The following MGAT5B variants were observed in gnomAD, a reference collection of about 807,000 sequenced individuals.
MGAT5B encodes the protein alpha-1,6-mannosylglycoprotein 6-beta-N-acetylglucosaminyltransferase B.
Under a neutral mutation model 95.1 loss-of-function variants are expected in MGAT5B, and 54 were observed. That is an observed-to-expected ratio of 0.57 (90% CI 0.46 to 0.71). The LOEUF is 0.71. Among genes scored for constraint, MGAT5B ranks in the 30% least tolerant of loss-of-function variants. MGAT5B has a pLI of 0.00. For synonymous variants in MGAT5B, 464 were observed against 451.0 expected (o/e 1.03, Z -0.36); for missense variants, 935 against 1,088.6 (o/e 0.86, Z 1.99).
chr17:76,883,690 A>C (rs1281404933), intron 3 of MGAT5B, among the ~76,000 whole-genome samples: 1 of 152,224 alleles, frequency 6.6e-6, no homozygotes, highest in Non-Finnish European at 1.5e-5. Context: ...TTGATTTGCT[A>C]AATGTATTCT....
chr17:76,869,850 G>T lies in MGAT5B; in HGVS notation c.68+753G>T, dbSNP rs777776550. Among the ~76,000 whole-genome samples the T allele has an allele frequency of 6.4e-4, 98 of 152,196 alleles. No homozygotes were observed. The highest frequency in any genetic ancestry group is 2.3e-3 in the African/African-American group (95 of 41,560). ...GCCAGGCAGGGCTGGGGCCGCGCGG[G>T]ACTCACTGGACCCAGCCAGGGGCCC... On this transcript the variant is annotated intron_variant, in intron 1 of 17. Transcript: ENST00000569840. The surrounding 1 kb of genome is among the most constrained non-coding windows in gnomAD (Gnocchi z 7.0).
intron 3 of MGAT5B, among the ~76,000 whole-genome samples, chr17:76,890,517 T>C (rs1326314715): frequency 2.0e-5 from 3 of 152,222 alleles, no homozygotes; most frequent in Non-Finnish European, 4.4e-5. Flanking sequence ...TTTCTTTCTT[T>C]TTTTGAGACA....
intron 3 of MGAT5B, among the ~76,000 whole-genome samples, chr17:76,898,616 A>C (rs1268496472): frequency 2.6e-5 from 4 of 151,482 alleles, no homozygotes; most frequent in Non-Finnish European, 5.9e-5. Context: ...AATCTTTTTT[A>C]TTTGGCTTAT....
rs970229983 is a variant in MGAT5B at position 76,870,505 on chromosome 17, C to G, written c.68+1408C>G. ...CCGACCCCATCCCTGTCCCGCCCTC[C>G]GGGCCGCTGGGTGTTTCCTGGCGCG... On this transcript the variant is annotated intron_variant, in intron 1 of 17. Transcript: ENST00000569840. The surrounding 1 kb of genome is among the most constrained non-coding windows in gnomAD (Gnocchi z 5.0). Among the ~76,000 whole-genome samples, 5 of 152,196 alleles carry G rather than the reference C, an allele frequency of 3.3e-5. No homozygotes were observed.
At chr17:76,937,522 GATGCATGGATGGTGGGTGC>G (rs1969716369) in intron 12 of MGAT5B, among the ~76,000 whole-genome samples, 1 of 151,980 alleles carries the variant, frequency 6.6e-6, no homozygotes, top group African/African-American at 2.4e-5. Flanking sequence ...TGGATGGATG[GATGCATGGATGGTGGGTGC>G]ATGGATGGAT....
chr17:76,872,691 G>GC, intron 1 of MGAT5B, 160 bp from the exon 2 acceptor site: 1 of 1,534,600 alleles, frequency 6.5e-7, no homozygotes, highest in Middle Eastern at 1.7e-4. Flanking sequence ...TAGTGGGGGG[G>GC]CCCTCCTGGG....
intron 8 of MGAT5B, among the ~76,000 whole-genome samples, chr17:76,920,580 AT>A (rs1969095183): frequency 6.6e-6 from 1 of 152,200 alleles, no homozygotes; most frequent in Non-Finnish European, 1.5e-5. Flanking sequence ...GATAAGAGCA[AT>A]GAGGCCGCTG....
chr17:76,889,198 C>T lies in MGAT5B; in HGVS notation c.329+6900C>T, dbSNP rs629151. On this transcript the variant is annotated intron_variant, in intron 3 of 17. Coordinates refer to ENST00000569840, the MANE Select transcript of MGAT5B (RefSeq NM_001199172.2). The surrounding 1 kb of genome is among the most constrained non-coding windows in gnomAD (Gnocchi z 4.4). ...AGGGCTGGCGCAGGGGCAGTGTCAG[C>T]CCTGGGAGCTCGCCGTGTGACCTTG... 0.5 allele frequency among the ~76,000 whole-genome samples: 75,372 copies of T among 152,046 alleles called. 23,558 individuals are homozygous for T. The highest frequency in any genetic ancestry group is 0.86 in the African/African-American group (35,687 of 41,492).
rs1036591705 is a variant in MGAT5B, at chr17:76,906,482, A to G, written c.1025+295A>G. Among the ~76,000 whole-genome samples, 1 of 152,154 alleles carries G rather than the reference A, an allele frequency of 6.6e-6. No homozygotes were observed. The highest frequency in any genetic ancestry group is 1.5e-5 in the Non-Finnish European group (1 of 68,010). On this transcript the variant is annotated intron_variant, in intron 8 of 17. Coordinates refer to ENST00000569840, the MANE Select transcript of MGAT5B (RefSeq NM_001199172.2). This position sits in a 1 kb window ranked among gnomAD's most constrained non-coding sequence, Gnocchi z 4.6. ...GGGCTGACACGTGTTGGCTTGTGGA[A>G]TTGAGCCACGTCTGCACGTGGGGTC...
chr17:76,882,147 A>C lies in MGAT5B; in HGVS notation c.182-4A>C. ...CCCTAACCATACCCACACTCTGCCC[A>C]CAGTGATGGGGGGCCCCGAGTCCCG... On this transcript the variant is annotated splice_polypyrimidine_tract_variant and splice_region_variant and intron_variant, in intron 2 of 17. Transcript: ENST00000569840. The C allele has an allele frequency of 6.2e-7, 1 of 1,607,560 alleles. No homozygotes were observed. Among genetic ancestry groups the C allele is most frequent in the African/African-American group, 1.3e-5 (1 of 75,038 alleles).
chr17:76,938,106 C>G lies in MGAT5B; in HGVS notation c.1547C>G (p.Pro516Arg), dbSNP rs566357260. The change falls in exon 13 of 18, where the codon CCG becomes CGG. Residue 516 changes from proline (P) to arginine (R), a missense_variant. Pro to Arg is a moderately radical substitution (Grantham distance 103). Around this residue, in one of 4 missense-constraint regions of MGAT5B, gnomAD observed 440 missense variants for 523.6 expected, o/e 0.84. Coordinates refer to ENST00000569840, the MANE Select transcript of MGAT5B (RefSeq NM_001199172.2). The surrounding 1 kb of genome is among the most constrained non-coding windows in gnomAD (Gnocchi z 4.3). ...TTTGTGAAGAACCACGGCCTCTTAC[C>G]GCAGCCTGAGTTTCAGCAGCTGCTG... ...PAFVKNHGLL[P>R]QPEFQQLLRK... The G allele has an allele frequency of 1.9e-6, 3 of 1,614,246 alleles. No homozygotes were observed. In the African/African-American group the frequency reaches 4.0e-5, roughly 22 times the overall value.
At chr17:76,880,878 G>A (rs1177372675) in intron 2 of MGAT5B, among the ~76,000 whole-genome samples, 4 of 152,128 alleles carry the variant, frequency 2.6e-5, no homozygotes, top group African/African-American at 4.8e-5. Context: ...ATTAGCTCCC[G>A]GTTAAACTAC....
In MGAT5B at chr17:76,896,015, C is replaced by G. The variant is rs370717174; in HGVS notation, c.330-6540C>G. The stretch of plus-strand genomic sequence containing the variant: ...AAGTCAGCGCTGGTGCTGCCTACCC[C>G]ACGGTGACAACACCAAGGCCCTGGG... On this transcript the variant is annotated intron_variant, in intron 3 of 17. Transcript: ENST00000569840. Among the ~76,000 whole-genome samples the G allele has an allele frequency of 5.9e-5, 9 of 152,160 alleles. No homozygotes were observed. The South Asian group carries it at 1.9e-3, about 32-fold the overall frequency.
At chr17:76,886,687 G>A (rs1015587987) in intron 3 of MGAT5B, among the ~76,000 whole-genome samples, 7 of 152,184 alleles carry the variant, frequency 4.6e-5, no homozygotes, top group Admixed American at 2.0e-4. Context: ...GAGCACTGTG[G>A]CCGGAGGACC....
chr17:76,921,977 A>G (rs946117089), intron 8 of MGAT5B, among the ~76,000 whole-genome samples: 2 of 152,146 alleles, frequency 1.3e-5, no homozygotes, highest in Admixed American at 6.5e-5. Flanking sequence ...CTTGTGTCCA[A>G]AACGTTAGCC....
Position 76,873,402 on chromosome 17 carries a change from GC to G in MGAT5B, c.181+443del, listed in dbSNP as rs1967074769. On this transcript the variant is annotated intron_variant, in intron 2 of 17. Transcript: ENST00000569840. ...CTCTTGGGACACAGCTCCCTCCCAG[GC>G]CCCATCACTCCTTGCCCACACGATA... Among the ~76,000 whole-genome samples, 8 of 152,336 alleles carry G rather than the reference GC, an allele frequency of 5.3e-5. 1 individual carries two copies. In the South Asian group the frequency reaches 1.4e-3, roughly 28 times the overall value.
chr17:76,902,770 C>T (rs1968364413), intron 4 of MGAT5B, 100 bp downstream of exon 4: 1 of 910,636 alleles, frequency 1.1e-6, no homozygotes, highest in East Asian at 2.7e-5. Flanking sequence ...GTGTGGCCGA[C>T]TTCTCCTGAC....
chr17:76,885,366 C>T (rs1049853674), intron 3 of MGAT5B, among the ~76,000 whole-genome samples: 2 of 152,204 alleles, frequency 1.3e-5, no homozygotes, highest in African/African-American at 4.8e-5. Context: ...CAGCCTCTGT[C>T]CGCAGGCCTG....
At chr17:76,925,465 G>T (rs933000022) in intron 9 of MGAT5B, among the ~76,000 whole-genome samples, 2 of 149,626 alleles carry the variant, frequency 1.3e-5, no homozygotes, top group Non-Finnish European at 3.0e-5. Flanking sequence ...GGGGTGGGGA[G>T]AGCAGCTCAG....
Sources: gnomAD v4.1 joint callset for allele counts (sites outside exome capture counted in the v4.1 genomes callset) on GRCh38, gnomAD v4.1.1 for gene constraint, gnomAD v4.1.1 regional missense constraint, Gnocchi (gnomAD v3.1) non-coding constraint, MANE v1.5 for transcripts, NCBI Gene and HGNC (gene_info 2026-07-23, HGNC 2026-07-21) for gene names.